Variants in TAF4 observed in about 807,000 individuals in gnomAD.
TAF4 encodes TATA-box binding protein associated factor 4.
In TAF4, 9 loss-of-function variants were observed where a neutral mutation model predicts 90.3. The observed-to-expected ratio is 0.10, with a 90% confidence interval of 0.06 to 0.17. The LOEUF (loss-of-function observed/expected upper bound fraction) is 0.17, where lower values mean the gene tolerates loss of function less well. Ranked by LOEUF, TAF4 falls within the 10% of genes least tolerant of loss-of-function variation. The pLI is 1.00. For synonymous variants in TAF4, 818 were observed against 638.9 expected (o/e 1.28, Z -4.23); for missense variants, 1,351 against 1,370.7 (o/e 0.99, Z 0.23).
chr20:62,014,626 T>G lies in TAF4; in HGVS notation c.1442A>C (p.His481Pro), dbSNP rs749173383. 2.6e-5 allele frequency: 42 copies of G among 1,613,944 alleles called. No individual in the cohort carries two copies. Among genetic ancestry groups the G allele is most frequent in the Admixed American group, 5.0e-5 (3 of 59,966 alleles). Reference protein sequence around the residue: ...QALAQMQAQAHAQPQTTMAPR... With the variant: ...QALAQMQAQAPAQPQTTMAPR... ...CGCCATGGTGGTCTGAGGCTGGGCA[T>G]GGGCCTGCGCCTGCATCTGGGCCAA... The change falls in exon 2 of 15, where the codon CAT (histidine) becomes CCT (proline). Residue 481 changes from histidine (H) to proline (P), a missense_variant. Transcript: ENST00000252996.
At position 62,001,879 on chromosome 20, in the gene TAF4, G is replaced by A. The variant is rs144702372; in HGVS notation, c.2487-1158C>T. Among the ~76,000 whole-genome samples, 74 of 152,304 alleles carry A rather than the reference G, an allele frequency of 4.9e-4. 2 individuals are homozygous for A. In the East Asian group the frequency reaches 0.012, roughly 24 times the overall value. On this transcript the variant is annotated intron_variant, in intron 9 of 14. Transcript: ENST00000252996. ...CTCAGGAGTCCTTGTCATTTTAGTGGAAAACGGTTTTTAGAAGACAACATC... is the reference window on the plus strand; with the variant it reads ...CTCAGGAGTCCTTGTCATTTTAGTGAAAAACGGTTTTTAGAAGACAACATC...
intron 14 of TAF4, among the ~76,000 whole-genome samples, chr20:61,990,646 G>A (rs2055625738): frequency 6.6e-6 from 1 of 152,164 alleles, no homozygotes; most frequent in Non-Finnish European, 1.5e-5. Flanking sequence ...GGGCAGCCTG[G>A]CCACCGCAAA....
intron 1 of TAF4, among the ~76,000 whole-genome samples, chr20:62,040,367 G>T (rs2055956844): frequency 6.6e-6 from 1 of 152,248 alleles, no homozygotes; most frequent in Non-Finnish European, 1.5e-5. Flanking sequence ...GAAAGGGCCA[G>T]ATGTGAGGCT....
chr20:61,997,935 G>A (rs750189194), intron 13 of TAF4, among the ~76,000 whole-genome samples: 8 of 152,194 alleles, frequency 5.3e-5, no homozygotes, highest in East Asian at 1.9e-4. Context: ...GGAAGTCACC[G>A]TTGAATTTAA....
At chr20:62,011,619 A>G (rs2123145438) in intron 3 of TAF4, among the ~76,000 whole-genome samples, 1 of 152,330 alleles carries the variant, frequency 6.6e-6, no homozygotes, top group Middle Eastern at 3.4e-3. Flanking sequence ...CTGCAGCTGC[A>G]GCCAGCCAGG....
chr20:62,002,306 T>C (rs1206574226), intron 9 of TAF4, among the ~76,000 whole-genome samples: 1 of 152,102 alleles, frequency 6.6e-6, no homozygotes, highest in African/African-American at 2.4e-5. Flanking sequence ...CCTGATGCCT[T>C]TAGGGATGAA....
chr20:62,018,908 A>G (rs912253314), intron 1 of TAF4, among the ~76,000 whole-genome samples: 1 of 152,212 alleles, frequency 6.6e-6, no homozygotes, highest in Non-Finnish European at 1.5e-5. Flanking sequence ...AAGGTCAGGA[A>G]GCTGGGGCCT....
intron 1 of TAF4, among the ~76,000 whole-genome samples, chr20:62,032,560 C>G (rs1325452962): frequency 1.3e-5 from 2 of 152,250 alleles, no homozygotes; most frequent in Non-Finnish European, 2.9e-5. Flanking sequence ...CGGCTCTCAG[C>G]ACCTGAAACC....
intron 14 of TAF4, among the ~76,000 whole-genome samples, chr20:61,992,073 G>C (rs896250163): frequency 6.6e-6 from 1 of 152,196 alleles, no homozygotes; most frequent in African/African-American, 2.4e-5. Flanking sequence ...GGGAGTGGCT[G>C]CTCCCATGAA....
chr20:62,051,382 C>T (rs1223507298), intron 1 of TAF4, among the ~76,000 whole-genome samples: 1 of 152,180 alleles, frequency 6.6e-6, no homozygotes, highest in Non-Finnish European at 1.5e-5. Context: ...GGCCTGGCTA[C>T]TCTCAGGCCT....
chr20:62,031,330 G>A (rs147558669), intron 1 of TAF4, among the ~76,000 whole-genome samples: 363 of 152,290 alleles, frequency 2.4e-3, no homozygotes, highest in Non-Finnish European at 3.9e-3. Flanking sequence ...GGCTGTGCTC[G>A]CTTCCGCCGA....
chr20:61,999,238 G>A (rs2055683022), intron 11 of TAF4, 130 bp from the exon 12 acceptor site: 23 of 1,180,490 alleles, frequency 1.9e-5, no homozygotes, highest in Admixed American at 4.0e-5. Context: ...GCGAGGACCC[G>A]ATCCCTCCCA....
Position 62,010,881 on chromosome 20 carries a change from A to G in TAF4, c.1642-716T>C, listed in dbSNP as rs562846754. 5.6e-4 allele frequency among the ~76,000 whole-genome samples: 86 copies of G among 152,382 alleles called. No individual in the cohort carries two copies. Among genetic ancestry groups the G allele is most frequent in the Non-Finnish European group, 9.7e-4 (66 of 68,040 alleles). On this transcript the variant is annotated intron_variant, in intron 3 of 14. Transcript: ENST00000252996. The surrounding 1 kb of genome is among the most constrained non-coding windows in gnomAD (Gnocchi z 4.5). ...TCGATTCCTAACATTTCCATTCTAC[A>G]TGAATAATCAGAATGCAAATGTTTA... is the stretch of plus-strand genomic sequence containing the variant.
chr20:62,064,065 C>T (rs2056106059), intron 1 of TAF4, among the ~76,000 whole-genome samples: 2 of 152,362 alleles, frequency 1.3e-5, no homozygotes, highest in East Asian at 1.9e-4. Context: ...GCCCTCAGCT[C>T]TGCAGACCCC....
chr20:62,057,037 A>C (rs982696891), intron 1 of TAF4, among the ~76,000 whole-genome samples: 4 of 152,178 alleles, frequency 2.6e-5, no homozygotes, highest in Non-Finnish European at 5.9e-5. Context: ...CACCACGGAG[A>C]CCACGCTCCT....
intron 1 of TAF4, among the ~76,000 whole-genome samples, chr20:62,060,375 C>T (rs2056082958): frequency 6.6e-6 from 1 of 152,378 alleles, no homozygotes; most frequent in East Asian, 1.9e-4. Context: ...GCACAGTAAG[C>T]AGTGAGGAGA....
chr20:62,056,511 C>T (rs1328586215), intron 1 of TAF4, among the ~76,000 whole-genome samples: 2 of 152,180 alleles, frequency 1.3e-5, no homozygotes, highest in African/African-American at 4.8e-5. Flanking sequence ...AAGGCATTCA[C>T]CTACAGGGGG....
chr20:62,038,746 A>G (rs1334813973), intron 1 of TAF4, among the ~76,000 whole-genome samples: 1 of 152,122 alleles, frequency 6.6e-6, no homozygotes, highest in East Asian at 1.9e-4. Flanking sequence ...ACTCAATACA[A>G]TCCCAAGCAA....
In TAF4 at chr20:62,007,731, T is replaced by A. The variant is rs571681595; in HGVS notation, c.1885-95A>T. 5 of 1,208,152 alleles carry A rather than the reference T, an allele frequency of 4.1e-6. No homozygotes were observed. The African/African-American group carries it at 7.6e-5, about 18-fold the overall frequency. 74.8% of individuals were successfully genotyped at this position (1,208,152 alleles called of 1,614,324 possible). A position where few individuals can be genotyped will look rare whatever the true frequency, so the allele number is the denominator to read the frequency against. ...CTCTGGTCTCGTATTTTACGGCTGA[T>A]TCCGCCCCGAGTTTCACTGGACAGA... On this transcript the variant is annotated intron_variant, in intron 5 of 14. Transcript: ENST00000252996.
Sources: allele counts gnomAD v4.1 joint callset (sites outside exome capture counted in the v4.1 genomes callset), GRCh38; gene constraint gnomAD v4.1.1; non-coding constraint Gnocchi (gnomAD v3.1); transcripts MANE v1.5; gene names NCBI Gene and HGNC (gene_info 2026-07-23, HGNC 2026-07-21).